EXOC6: variants seen among roughly 807,000 people sequenced by gnomAD.
EXOC6 encodes exocyst complex component 6, also known as SEC15-like 1.
EXOC6 carries 60 observed loss-of-function variants against 112.5 expected under a neutral mutation model. The observed-to-expected ratio is 0.53, with a 90% confidence interval of 0.43 to 0.66. The LOEUF (loss-of-function observed/expected upper bound fraction) is 0.66. Ranked by LOEUF, EXOC6 falls within the 30% of genes least tolerant of loss-of-function variation. The pLI is 0.00. For synonymous variants in EXOC6, 295 were observed against 308.0 expected (o/e 0.96, Z 0.44); for missense variants, 855 against 957.1 (o/e 0.89, Z 1.41).
chr10:92,862,424 T>C (rs1802594757), intron 1 of EXOC6, among the ~76,000 whole-genome samples: 1 of 152,014 alleles, frequency 6.6e-6, no homozygotes, highest in African/African-American at 2.4e-5. Flanking sequence ...TGAGGGCACA[T>C]CACTCATGAA....
At chr10:92,996,009 A>G (rs1843466418) in intron 18 of EXOC6, among the ~76,000 whole-genome samples, 1 of 152,178 alleles carries the variant, frequency 6.6e-6, no homozygotes, top group Non-Finnish European at 1.5e-5. Context: ...AATCAACCCT[A>G]TGTAATATGT....
chr10:92,829,999 T>C (rs767644366), upstream of EXOC6, among the ~76,000 whole-genome samples: 5 of 152,192 alleles, frequency 3.3e-5, no homozygotes, highest in Non-Finnish European at 7.3e-5. Flanking sequence ...CACCCACCCC[T>C]TTCCCAGAAA....
intron 7 of EXOC6, among the ~76,000 whole-genome samples, chr10:92,916,648 A>C (rs1347289117): frequency 2.6e-5 from 4 of 152,258 alleles, no homozygotes; most frequent in Non-Finnish European, 5.9e-5. Context: ...AACAATTTGC[A>C]TAACAATCTG....
chr10:93,017,274 G>A (rs1362407340), intron 20 of EXOC6, among the ~76,000 whole-genome samples: 3 of 152,016 alleles, frequency 2.0e-5, no homozygotes, highest in Non-Finnish European at 2.9e-5. Flanking sequence ...GGGGAGGGTG[G>A]GAGAAGGGAT....
intron 20 of EXOC6, among the ~76,000 whole-genome samples, chr10:93,025,660 C>G (rs1035963348): frequency 6.6e-6 from 1 of 152,022 alleles, no homozygotes; most frequent in African/African-American, 2.4e-5. Flanking sequence ...AGTGGTCATT[C>G]CTTTGAATGA....
intron 1 of EXOC6, among the ~76,000 whole-genome samples, chr10:92,871,522 A>G (rs1223877461): frequency 6.8e-6 from 1 of 147,650 alleles, no homozygotes; most frequent in Non-Finnish European, 1.5e-5. Context: ...AAAAAAAATC[A>G]TAGGCCAGTT....
At chr10:93,000,309 C>A (rs1467315306) in intron 19 of EXOC6, among the ~76,000 whole-genome samples, 1 of 152,178 alleles carries the variant, frequency 6.6e-6, no homozygotes, top group Non-Finnish European at 1.5e-5. Context: ...TATTCTCTTA[C>A]CTCTCTAGCC....
chr10:93,032,159 CCAG>C (rs1251354359), intron 20 of EXOC6, among the ~76,000 whole-genome samples: 2 of 152,000 alleles, frequency 1.3e-5, no homozygotes, highest in Non-Finnish European at 2.9e-5. Context: ...GCCTGTAATT[CCAG>C]CAGTTTGGGA....
intron 20 of EXOC6, among the ~76,000 whole-genome samples, chr10:93,037,726 C>T (rs1158665855): frequency 6.6e-6 from 1 of 151,434 alleles, no homozygotes; most frequent in African/African-American, 2.4e-5. Flanking sequence ...AGGTGTGAGC[C>T]ACCGCACCTG....
intron 11 of EXOC6, among the ~76,000 whole-genome samples, chr10:92,934,632 C>T (rs4933755): frequency 0.48 from 73,285 of 151,816 alleles, 18,939 homozygotes; most frequent in African/African-American, 0.67. Context: ...CCCAAAACAC[C>T]TTTATTCTAG....
At chr10:92,895,859 CTTTTT>C (rs34229333) in intron 4 of EXOC6, among the ~76,000 whole-genome samples, 3 of 122,204 alleles carry the variant, frequency 2.5e-5, no homozygotes, top group African/African-American at 9.2e-5. Context: ...CACACCCGGC[CTTTTT>C]TTTTTTTTTT....
intron 19 of EXOC6, among the ~76,000 whole-genome samples, chr10:93,006,159 CAAAAA>C (rs1843968583): frequency 6.8e-6 from 1 of 146,566 alleles, no homozygotes; most frequent in African/African-American, 2.5e-5. Context: ...GACCCTGTCT[CAAAAA>C]CAAAACAAAA....
upstream of EXOC6, among the ~76,000 whole-genome samples, chr10:92,830,251 G>A (rs542482533): frequency 1.3e-5 from 2 of 152,238 alleles, no homozygotes; most frequent in East Asian, 3.9e-4. Context: ...AGTGTTTCCA[G>A]TACAGAGCAA....
intron 4 of EXOC6, among the ~76,000 whole-genome samples, chr10:92,895,748 A>G (rs940817670): frequency 1.3e-5 from 2 of 151,110 alleles, no homozygotes; most frequent in African/African-American, 4.9e-5. Context: ...TGCCCAAGCT[A>G]GAGTGCAGTG....
At chr10:93,011,566 A>G (rs1844249216) in intron 19 of EXOC6, among the ~76,000 whole-genome samples, 2 of 152,180 alleles carry the variant, frequency 1.3e-5, no homozygotes, top group African/African-American at 4.8e-5. Flanking sequence ...CCAGCCAAAA[A>G]AAGTATTTTT....
At chr10:92,992,287 CAA>C (rs35924745) in intron 18 of EXOC6, among the ~76,000 whole-genome samples, 9 of 74,188 alleles carry the variant, frequency 1.2e-4, no homozygotes, top group Admixed American at 3.6e-4. Context: ...GACTCTGTCT[CAA>C]AAAAAAAAAA....
intron 6 of EXOC6, among the ~76,000 whole-genome samples, chr10:92,915,441 T>G (rs10736071): frequency 0.76 from 114,164 of 150,096 alleles, 43,956 homozygotes; most frequent in African/African-American, 0.91. Context: ...GGTGGTGCAT[T>G]CCTGTAGTCC....
chr10:92,953,850 T>TA (rs1435223526), intron 15 of EXOC6, among the ~76,000 whole-genome samples: 4 of 152,312 alleles, frequency 2.6e-5, no homozygotes, highest in Admixed American at 2.0e-4. Context: ...TTTGAAGACT[T>TA]AAAAAATCAA....
intron 18 of EXOC6, among the ~76,000 whole-genome samples, chr10:92,976,633 G>A (rs1272715195): frequency 6.9e-6 from 1 of 145,736 alleles, no homozygotes; most frequent in African/African-American, 2.6e-5. Context: ...ATCCCCCTCT[G>A]CGAGAAACAC....
Sources: allele counts gnomAD v4.1 joint callset (sites outside exome capture counted in the v4.1 genomes callset), GRCh38; gene constraint gnomAD v4.1.1; transcripts MANE v1.5; gene names NCBI Gene and HGNC (gene_info 2026-07-23, HGNC 2026-07-21).